IPO11: variants seen among roughly 807,000 people sequenced by gnomAD.
IPO11 encodes importin-11.
IPO11 carries 66 observed loss-of-function variants against 143.2 expected under a neutral mutation model. The observed-to-expected ratio is 0.46, with a 90% CI of 0.38 to 0.57. The LOEUF is 0.57. Among genes scored for constraint, IPO11 ranks in the 20% least tolerant of loss-of-function variants. The pLI is 0.00. For missense variants in IPO11, 1,026 were observed against 1,141.0 expected, an observed-to-expected ratio of 0.90 and a Z score of 1.45; for synonymous variants, 385 against 377.8, an observed-to-expected ratio of 1.02 and a Z score of -0.22.
intron 29 of IPO11, among the ~76,000 whole-genome samples, chr5:62,617,357 G>T (rs1007932378): frequency 6.6e-6 from 1 of 152,188 alleles, no homozygotes; most frequent in Admixed American, 6.5e-5. Flanking sequence ...TAGGAACAAT[G>T]TATTAATTCA....
chr5:62,460,546 A>G (rs1365705801), intron 5 of IPO11, among the ~76,000 whole-genome samples: 1 of 152,236 alleles, frequency 6.6e-6, no homozygotes, highest in African/African-American at 2.4e-5. Context: ...AATTATGAAG[A>G]CAACAATTCT....
At chr5:62,626,040 T>G (rs976744429) in intron 29 of IPO11, among the ~76,000 whole-genome samples, 1 of 152,188 alleles carries the variant, frequency 6.6e-6, no homozygotes, top group African/African-American at 2.4e-5. Flanking sequence ...CTTTTTCTTT[T>G]TTTTTTCGAG....
At chr5:62,484,245 T>C (rs1204783297) in intron 11 of IPO11, 83 bp downstream of exon 11, 2 of 1,113,406 alleles carry the variant, frequency 1.8e-6, no homozygotes, top group Non-Finnish European at 2.5e-6. Flanking sequence ...TAATATTGTA[T>C]TTTCATACAG....
intron 2 of IPO11, among the ~76,000 whole-genome samples, chr5:62,438,339 T>C (rs1439203108): frequency 1.3e-5 from 2 of 151,882 alleles, no homozygotes; most frequent in Non-Finnish European, 2.9e-5. Flanking sequence ...TTTGGCTCAG[T>C]AACAGAATCG....
At chr5:62,563,523 G>A (rs1390895545) in intron 27 of IPO11, among the ~76,000 whole-genome samples, 1 of 152,022 alleles carries the variant, frequency 6.6e-6, no homozygotes, top group East Asian at 1.9e-4. Flanking sequence ...TGTAAGTTGT[G>A]GAAATTTAAT....
intron 27 of IPO11, among the ~76,000 whole-genome samples, chr5:62,586,556 A>G (rs1451478410): frequency 6.6e-6 from 1 of 151,752 alleles, no homozygotes; most frequent in East Asian, 1.9e-4. Context: ...GTTCGAGACC[A>G]GCCTGACGGA....
At chr5:62,438,903 C>CA (rs1205529452) in intron 2 of IPO11, among the ~76,000 whole-genome samples, 1 of 150,878 alleles carries the variant, frequency 6.6e-6, no homozygotes, top group Non-Finnish European at 1.5e-5. Context: ...ACTAAAAATA[C>CA]AAAAAATTAG....
At chr5:62,585,679 G>A (rs563030640) in intron 27 of IPO11, among the ~76,000 whole-genome samples, 5 of 152,238 alleles carry the variant, frequency 3.3e-5, no homozygotes, top group Admixed American at 6.5e-5. Context: ...CTAGTGTGCC[G>A]TATAGAGAAC....
intron 28 of IPO11, among the ~76,000 whole-genome samples, chr5:62,592,993 C>G (rs1042169286): frequency 1.3e-5 from 2 of 152,162 alleles, no homozygotes; most frequent in Non-Finnish European, 2.9e-5. Context: ...GTTTACAACT[C>G]AATGTGAAAC....
chr5:62,591,496 G>A (rs1172854951), intron 27 of IPO11, 81 bp from the exon 28 acceptor site: 3 of 737,616 alleles, frequency 4.1e-6, no homozygotes, highest in Admixed American at 3.2e-5. Flanking sequence ...CTTCATGTTC[G>A]AGAAGATGTT....
At chr5:62,579,264 G>T (rs1410570400) in intron 27 of IPO11, 3 of 629,576 alleles carry the variant, frequency 4.8e-6, no homozygotes, top group Non-Finnish European at 8.4e-6. Context: ...ATTATTTTTT[G>T]CTATTACCAT....
At chr5:62,580,362 TAGAAAC>T (rs1744504123) in intron 27 of IPO11, 3 of 1,546,510 alleles carry the variant, frequency 1.9e-6, no homozygotes, top group Admixed American at 2.0e-5. Flanking sequence ...TTAAGTTAGA[TAGAAAC>T]AGAATAATTA....
chr5:62,489,160 T>C, intron 13 of IPO11, 142 bp from the exon 14 acceptor site: 1 of 479,172 alleles, frequency 2.1e-6, no homozygotes, highest in Non-Finnish European at 3.6e-6. Flanking sequence ...TTTCCCTTTG[T>C]ACTTGTGTCC....
At chr5:62,593,144 C>T (rs917821277) in intron 28 of IPO11, among the ~76,000 whole-genome samples, 5 of 150,296 alleles carry the variant, frequency 3.3e-5, no homozygotes, top group Non-Finnish European at 5.9e-5. Flanking sequence ...GCACACCAAA[C>T]AGTACAGTTC....
intron 19 of IPO11, among the ~76,000 whole-genome samples, chr5:62,511,591 G>A (rs1294643359): frequency 2.0e-5 from 3 of 152,112 alleles, no homozygotes; most frequent in Non-Finnish European, 2.9e-5. Context: ...GGAGAGGGGA[G>A]CAAATTCTGT....
At chr5:62,611,661 C>A in intron 29 of IPO11, among the ~76,000 whole-genome samples, 1 of 152,048 alleles carries the variant, frequency 6.6e-6, no homozygotes, top group African/African-American at 2.4e-5. Flanking sequence ...GTAACTTTGC[C>A]CCTGTTCACT....
intron 27 of IPO11, among the ~76,000 whole-genome samples, chr5:62,582,664 T>A (rs1744612933): frequency 6.6e-6 from 1 of 152,172 alleles, no homozygotes; most frequent in South Asian, 2.1e-4. Flanking sequence ...TGGGGAAGAA[T>A]AAGACCTTGT....
intron 4 of IPO11, among the ~76,000 whole-genome samples, 182 bp downstream of exon 4, chr5:62,450,181 T>A (rs948003290): frequency 1.3e-5 from 2 of 152,224 alleles, no homozygotes; most frequent in African/African-American, 4.8e-5. Flanking sequence ...TTGATTAGAT[T>A]TGGTTATTAT....
At chr5:62,591,893 A>C (rs1426018195) in intron 28 of IPO11, among the ~76,000 whole-genome samples, 1 of 152,218 alleles carries the variant, frequency 6.6e-6, no homozygotes, top group Non-Finnish European at 1.5e-5. Flanking sequence ...CTTGTGGTCC[A>C]AGATGGAGTG....
Sources: allele counts gnomAD v4.1 joint callset (sites outside exome capture counted in the v4.1 genomes callset), GRCh38; gene constraint gnomAD v4.1.1; transcripts MANE v1.5; gene names NCBI Gene and HGNC (gene_info 2026-07-23, HGNC 2026-07-21).